Variants in NARS1 observed in about 807,000 individuals in gnomAD.
NARS1 encodes asparagine--tRNA ligase, cytoplasmic.
Under a neutral mutation model 79.2 loss-of-function variants are expected in NARS1, and 65 were observed. The observed-to-expected ratio is 0.82, with a 90% CI of 0.67 to 1.01. The LOEUF is 1.01. Among genes scored for constraint, NARS1 ranks in the 50% least tolerant of loss-of-function variants. The pLI, the probability that NARS1 is intolerant of heterozygous loss-of-function variation, is 0.00. For synonymous variants in NARS1, 229 were observed against 238.8 expected (o/e 0.96, Z 0.38); for missense variants, 649 against 673.8 (o/e 0.96, Z 0.41).
At chr18:57,620,426 C>G (rs1908250798) in intron 2 of NARS1, 143 bp downstream of exon 2, 8 of 584,596 alleles carry the variant, frequency 1.4e-5, no homozygotes, top group Admixed American at 3.4e-5. Flanking sequence ...AGTCACATAT[C>G]TGTATGCATT....
rs1311954009 is a variant in NARS1 at position 57,621,774 on chromosome 18, T to C, written c.-57A>G. ...ACAGACTGCAACACCGACGCCGTCT[T>C]ATGACTCCAACGTGCACCGGCGGTT... is the stretch of plus-strand genomic sequence containing the variant. On this transcript the variant is annotated 5_prime_UTR_variant, in exon 1 of 14. In the 5' UTR this introduces an upstream ATG that the reference lacks. Transcript: ENST00000256854. The C allele has an allele frequency of 3.1e-6, 5 of 1,612,946 alleles. No homozygotes were observed. The highest frequency in any genetic ancestry group is 1.1e-5 in the South Asian group (1 of 90,976).
At position 57,607,233 on chromosome 18, in the gene NARS1, T is replaced by G; in HGVS notation, c.902A>C (p.Gln301Pro). ...TGGGAGGCAGGTCTCCAAGTACAAC[T>G]GAGAGGATTGAGTCAAAAATGCCTC... ...GEEAFLTQSS[Q>P]LYLETCLPAL... The change falls in exon 9 of 14, where the codon CAG (glutamine) becomes CCG (proline). Residue 301 changes from glutamine (Q) to proline (P), a missense_variant. Coordinates refer to ENST00000256854, the MANE Select transcript of NARS1 (RefSeq NM_004539.4). 6.2e-7 allele frequency: 1 copy of G among 1,614,074 alleles called. No individual in the cohort carries two copies. Among genetic ancestry groups the G allele is most frequent in the Non-Finnish European group, 8.5e-7 (1 of 1,179,984 alleles).
At chr18:57,608,637 T>C (rs2051581578) in intron 7 of NARS1, among the ~76,000 whole-genome samples, 1 of 152,210 alleles carries the variant, frequency 6.6e-6, no homozygotes, top group South Asian at 2.1e-4. Context: ...GTATTCTTTT[T>C]ATCACCTGAG....
Position 57,615,684 on chromosome 18 carries a change from T to C in NARS1, c.299A>G (p.Lys100Arg). ...ACTTGGATCATTTTTAATGGTAATC[T>C]TCTTTGCTTCTTCCAGGTTCTTTTC... The part of the protein sequence containing the change: ...RREKNLEEAK[K>R]ITIKNDPSLP... Residue 100 changes from lysine (K) to arginine (R), a missense_variant, in exon 4 of 14, where the codon AAG becomes AGG. By Grantham distance (26) the Lys-to-Arg change is conservative. Coordinates refer to ENST00000256854, the MANE Select transcript of NARS1 (RefSeq NM_004539.4). The C allele has an allele frequency of 6.2e-7, 1 of 1,613,168 alleles. No homozygotes were observed. The highest frequency in any genetic ancestry group is 1.1e-5 in the South Asian group (1 of 90,764).
rs114009735 is a variant in NARS1, at chr18:57,601,961, A to C, written c.1516-178T>G. Among the ~76,000 whole-genome samples the C allele has an allele frequency of 8.2e-3, 1,247 of 152,286 alleles. 18 individuals are homozygous for C. Among genetic ancestry groups the C allele is most frequent in the African/African-American group, 0.028 (1,175 of 41,562 alleles). ...AGCACTTAATCTCTATGCCTTCATG[A>C]ACCATGCATAAAGAAATAATTTGGT... is the stretch of plus-strand genomic sequence containing the variant. On this transcript the variant is annotated intron_variant, in intron 13 of 13. Coordinates refer to ENST00000256854, the MANE Select transcript of NARS1 (RefSeq NM_004539.4).
At position 57,617,091 on chromosome 18, in the gene NARS1, T is replaced by C. The variant is rs548572991; in HGVS notation, c.94-1116A>G. ...GTTATATATCATTTGATAAAATGTA[T>C]TGTTTGTAGTTTTTAAAAAATAGTT... On this transcript the variant is annotated intron_variant, in intron 2 of 13. Coordinates refer to ENST00000256854, the MANE Select transcript of NARS1 (RefSeq NM_004539.4). 2.6e-5 allele frequency among the ~76,000 whole-genome samples: 4 copies of C among 152,250 alleles called. No homozygotes were observed. In the South Asian group the frequency reaches 6.2e-4, roughly 24 times the overall value.
At chr18:57,613,769 G>C in intron 4 of NARS1, 89 bp from the exon 5 acceptor site, 1 of 1,090,594 alleles carries the variant, frequency 9.2e-7, no homozygotes, top group Non-Finnish European at 1.4e-6. Flanking sequence ...GGTAGTAAGT[G>C]TTAAAAATCA....
rs35057487 is a variant in NARS1 at position 57,602,481 on chromosome 18, G to A, written c.1389C>T (p.Asp463=). 7,167 of 1,613,554 alleles carry A rather than the reference G, an allele frequency of 4.4e-3. 252 individuals carry two copies. The African/African-American group carries it at 0.08, about 18-fold the overall frequency. The change falls in exon 13 of 14, where the codon GAC becomes GAT. Residue 463 remains aspartate, a synonymous_variant. Coordinates refer to ENST00000256854, the MANE Select transcript of NARS1 (RefSeq NM_004539.4). ...TCTCACCAACATTGGGCATCAACAC[G>A]TCGACCTTTAAATATAAGTGAAAGA... ...PEDSRLTESV[D]VLMPNVGEIV... is the part of the protein sequence containing the mutation.
rs73961924 is a variant in NARS1 at position 57,602,308 on chromosome 18, C to T, written c.1515+47G>A. 6,890 of 1,582,138 alleles carry T rather than the reference C, an allele frequency of 4.4e-3. 256 individuals carry two copies. The African/African-American group carries it at 0.082, about 19-fold the overall frequency. ...TTTAAAAATTTCAATATATACAGAACGATTACAGTGGAAAAAAATGTTGAG... is the reference window on the plus strand; with the variant it reads ...TTTAAAAATTTCAATATATACAGAATGATTACAGTGGAAAAAAATGTTGAG... On this transcript the variant is annotated intron_variant, in intron 13 of 13. Transcript: ENST00000256854.
At chr18:57,621,665 C>A (rs771797591) in intron 1 of NARS1, 43 bp downstream of exon 1, 1 of 1,581,900 alleles carries the variant, frequency 6.3e-7, no homozygotes, top group Non-Finnish European at 8.7e-7. Context: ...AGAGTTCCTG[C>A]CCCAGGCAGG....
rs59412339 is a variant in NARS1 at position 57,617,572 on chromosome 18, CAAAAAAAAAAAAA to C, written c.94-1610_94-1598del. On this transcript the variant is annotated intron_variant, in intron 2 of 13. Coordinates refer to ENST00000256854, the MANE Select transcript of NARS1 (RefSeq NM_004539.4). ...GGGTGACAAGAGCAAGACTCCGTCT[CAAAAAAAAAAAAA>C]AAAAAAAAATAGAGAAGGAAGGAAT... Among the ~76,000 whole-genome samples, 299 of 66,626 alleles carry C rather than the reference CAAAAAAAAAAAAA, an allele frequency of 4.5e-3. 2 individuals carry two copies. The highest frequency in any genetic ancestry group is 0.019 in the African/African-American group (278 of 14,712). The allele number at this position is 66,626 out of a possible 152,430, so 43.7% of individuals were successfully genotyped here. A position where few individuals can be genotyped will look rare whatever the true frequency, so the allele number is the denominator to read the frequency against.
chr18:57,609,283 A>G (rs2051585831), intron 7 of NARS1, 74 bp downstream of exon 7: 1 of 1,229,570 alleles, frequency 8.1e-7, no homozygotes, highest in African/African-American at 1.5e-5. Flanking sequence ...TGCCAAATGT[A>G]CAAACAAAGA....
intron 6 of NARS1, 106 bp downstream of exon 6, chr18:57,611,531 C>T: frequency 2.8e-6 from 2 of 706,090 alleles, no homozygotes; most frequent in Non-Finnish European, 4.6e-6. Context: ...GATTCATTGA[C>T]ATTCACTGTC....
chr18:57,617,300 T>C (rs965723433), intron 2 of NARS1, among the ~76,000 whole-genome samples: 4 of 152,080 alleles, frequency 2.6e-5, no homozygotes, highest in Non-Finnish European at 4.4e-5. Flanking sequence ...AGGCCGGGCA[T>C]GGTGGCTCAC....
chr18:57,601,859 CCA>C, intron 13 of NARS1, 76 bp from the exon 14 acceptor site: 1 of 1,518,828 alleles, frequency 6.6e-7, no homozygotes. Context: ...TTAAAATTTT[CCA>C]CCATGAAAGG....
chr18:57,606,974 C>A, intron 9 of NARS1, 160 bp downstream of exon 9: 1 of 932,812 alleles, frequency 1.1e-6, no homozygotes, highest in South Asian at 1.7e-5. Flanking sequence ...GAGAACTTAG[C>A]TACGATCTAA....
At chr18:57,609,502 A>T in intron 6 of NARS1, 59 bp from the exon 7 acceptor site, 1 of 1,403,338 alleles carries the variant, frequency 7.1e-7, no homozygotes, top group Non-Finnish European at 1.0e-6. Context: ...ATTCTACCAT[A>T]TAGAAAGTTA....
intron 10 of NARS1, among the ~76,000 whole-genome samples, chr18:57,606,356 ATATATAT>A (rs1568163302): frequency 1.3e-4 from 18 of 134,670 alleles, no homozygotes; most frequent in African/African-American, 1.9e-4. Context: ...AAAAAAAAAT[ATATATAT>A]ATATATATAT....
intron 2 of NARS1, among the ~76,000 whole-genome samples, chr18:57,619,593 T>C (rs756361204): frequency 8.5e-5 from 13 of 152,142 alleles, no homozygotes; most frequent in Non-Finnish European, 1.5e-4. Context: ...GATTCTAGCA[T>C]ATGAGTTCAA....
Sources: gnomAD v4.1 joint callset for allele counts (sites outside exome capture counted in the v4.1 genomes callset) on GRCh38, gnomAD v4.1.1 for gene constraint, MANE v1.5 for transcripts, NCBI Gene and HGNC (gene_info 2026-07-23, HGNC 2026-07-21) for gene names.